Variants in ADK observed in about 807,000 individuals in gnomAD.
ADK encodes adenosine kinase, also known as N6,N6-dimethyladenosine kinase.
In ADK, 24 loss-of-function variants were observed where a neutral mutation model predicts 44.7. That is an observed-to-expected ratio of 0.54 (90% confidence interval 0.39 to 0.76). The LOEUF (loss-of-function observed/expected upper bound fraction) is 0.76, where lower values mean the gene tolerates loss of function less well. Ranked by LOEUF, ADK falls within the 30% of genes least tolerant of loss-of-function variation. The pLI, the probability that ADK is intolerant of heterozygous loss-of-function variation, is 0.00. For synonymous variants in ADK, 128 were observed against 142.6 expected (o/e 0.90, Z 0.73); for missense variants, 321 against 425.1 (o/e 0.76, Z 2.15).
chr10:74,439,738 G>A (rs1212698134), intron 6 of ADK, among the ~76,000 whole-genome samples: 1 of 151,852 alleles, frequency 6.6e-6, no homozygotes, highest in East Asian at 1.9e-4. Context: ...ACATTCTAGG[G>A]ATATCACATA....
At chr10:74,663,770 T>C (rs917379042) in intron 9 of ADK, among the ~76,000 whole-genome samples, 9 of 152,222 alleles carry the variant, frequency 5.9e-5, no homozygotes, top group Non-Finnish European at 8.8e-5. Context: ...GAGCTCTTTA[T>C]GCCTCAAAAG....
At chr10:74,291,228 AAC>A (rs1847416989) in intron 3 of ADK, among the ~76,000 whole-genome samples, 2 of 152,132 alleles carry the variant, frequency 1.3e-5, no homozygotes, top group South Asian at 4.1e-4. Flanking sequence ...CATCCTGGCT[AAC>A]ACGGTGAAAC....
chr10:74,569,080 T>A (rs1850820608), intron 7 of ADK, among the ~76,000 whole-genome samples: 1 of 152,190 alleles, frequency 6.6e-6, no homozygotes, highest in East Asian at 1.9e-4. Context: ...TCCAGCTTCA[T>A]CCATGTCCCT....
intron 8 of ADK, among the ~76,000 whole-genome samples, chr10:74,592,992 C>T (rs1851773815): frequency 6.6e-6 from 1 of 152,168 alleles, no homozygotes; most frequent in South Asian, 2.1e-4. Flanking sequence ...TATGCATCAT[C>T]ACAGAAAGTT....
At chr10:74,538,701 A>C (rs1399814084) in intron 7 of ADK, among the ~76,000 whole-genome samples, 1 of 152,316 alleles carries the variant, frequency 6.6e-6, no homozygotes, top group East Asian at 1.9e-4. Context: ...TTTTTACTAA[A>C]CCAGATGGGA....
intron 1 of ADK, among the ~76,000 whole-genome samples, chr10:74,153,511 A>T (rs1047869619): frequency 6.6e-6 from 1 of 152,220 alleles, no homozygotes; most frequent in Non-Finnish European, 1.5e-5. Flanking sequence ...AGCATATAAC[A>T]GTTGCTTATA....
At chr10:74,243,480 T>A (rs1845302316) in intron 3 of ADK, among the ~76,000 whole-genome samples, 1 of 152,252 alleles carries the variant, frequency 6.6e-6, no homozygotes, top group African/African-American at 2.4e-5. Context: ...ATTATGTGTC[T>A]GTTTTAGTTC....
At chr10:74,450,518 G>A (rs1428857811) in intron 6 of ADK, among the ~76,000 whole-genome samples, 1 of 152,118 alleles carries the variant, frequency 6.6e-6, no homozygotes, top group Non-Finnish European at 1.5e-5. Context: ...ACAGCATACA[G>A]AAGAGATCCA....
At chr10:74,535,596 T>C (rs1849422570) in intron 7 of ADK, among the ~76,000 whole-genome samples, 1 of 151,250 alleles carries the variant, frequency 6.6e-6, no homozygotes, top group African/African-American at 2.4e-5. Flanking sequence ...TTTTTTTTTT[T>C]TTTGAGACAG....
At chr10:74,688,326 C>T (rs1032256073) in intron 10 of ADK, among the ~76,000 whole-genome samples, 3 of 152,010 alleles carry the variant, frequency 2.0e-5, no homozygotes, top group African/African-American at 7.3e-5. Flanking sequence ...TGTCTATTTC[C>T]CCCATTACAA....
intron 6 of ADK, among the ~76,000 whole-genome samples, chr10:74,454,670 A>G (rs12767217): frequency 6.6e-6 from 1 of 152,210 alleles, no homozygotes; most frequent in Non-Finnish European, 1.5e-5. Flanking sequence ...AGAAAAGTAT[A>G]CTATAATTTA....
intron 6 of ADK, among the ~76,000 whole-genome samples, chr10:74,458,119 C>CTTTT (rs1172945144): frequency 2.7e-5 from 2 of 74,478 alleles, no homozygotes; most frequent in African/African-American, 1.2e-4. Context: ...TGCATTAAAA[C>CTTTT]TTTTTTTTTT....
At chr10:74,227,299 A>C (rs1036933015) in intron 3 of ADK, among the ~76,000 whole-genome samples, 4 of 152,232 alleles carry the variant, frequency 2.6e-5, no homozygotes, top group Non-Finnish European at 5.9e-5. Context: ...GATTAATTAT[A>C]AAATTGTAAA....
intron 4 of ADK, among the ~76,000 whole-genome samples, chr10:74,341,645 T>G (rs567152710): frequency 5.9e-5 from 9 of 152,336 alleles, no homozygotes; most frequent in African/African-American, 2.2e-4. Context: ...TTTACACTCC[T>G]TAATCCTAAA....
chr10:74,220,226 A>C (rs1389042282), intron 2 of ADK, among the ~76,000 whole-genome samples: 3 of 151,962 alleles, frequency 2.0e-5, no homozygotes, highest in Non-Finnish European at 2.9e-5. Context: ...CTACCATCAG[A>C]GAATACTACA....
At chr10:74,634,960 C>G (rs563024623) in intron 9 of ADK, among the ~76,000 whole-genome samples, 114 of 152,122 alleles carry the variant, frequency 7.5e-4, no homozygotes, top group African/African-American at 2.7e-3. Context: ...AAAAAACCCA[C>G]AAAAACAGAG....
intron 6 of ADK, among the ~76,000 whole-genome samples, chr10:74,516,087 C>G (rs2133557739): frequency 6.6e-6 from 1 of 152,280 alleles, no homozygotes; most frequent in Middle Eastern, 3.4e-3. Flanking sequence ...ACCTTGTGCT[C>G]TTAATCCAGG....
chr10:74,567,002 A>T (rs192913109), intron 7 of ADK, among the ~76,000 whole-genome samples: 1 of 152,310 alleles, frequency 6.6e-6, no homozygotes, highest in African/African-American at 2.4e-5. Context: ...AGAGTTAGAA[A>T]AGACTTTAGA....
intron 3 of ADK, among the ~76,000 whole-genome samples, chr10:74,291,274 G>A (rs915305045): frequency 1.3e-5 from 2 of 152,020 alleles, no homozygotes; most frequent in Admixed American, 6.6e-5. Context: ...AAAATTAGCC[G>A]GGTGTGGTGG....
Sources: gnomAD v4.1 joint callset for allele counts (sites outside exome capture counted in the v4.1 genomes callset) on GRCh38, gnomAD v4.1.1 for gene constraint, MANE v1.5 for transcripts, NCBI Gene and HGNC (gene_info 2026-07-23, HGNC 2026-07-21) for gene names.